The following ROBO2 variants were observed in gnomAD, a reference collection of about 807,000 sequenced individuals.
ROBO2 encodes the protein roundabout homolog 2.
A neutral mutation model predicts 160.8 loss-of-function variants in ROBO2; 53 were observed. That is an observed-to-expected ratio of 0.33 (90% CI 0.26 to 0.41). The LOEUF (loss-of-function observed/expected upper bound fraction) is 0.41. Among genes scored for constraint, ROBO2 ranks in the 10% least tolerant of loss-of-function variants. The pLI is 1.00. For synonymous variants in ROBO2, 664 were observed against 611.7 expected, an observed-to-expected ratio of 1.09 and a Z score of -1.26; for missense variants, 1,577 against 1,722.4, an observed-to-expected ratio of 0.92 and a Z score of 1.49.
chr3:77,382,555 T>C (rs371911844), intron 2 of ROBO2, among the ~76,000 whole-genome samples: 2 of 152,214 alleles, frequency 1.3e-5, no homozygotes, highest in South Asian at 4.1e-4. Context: ...TTTTTCTCCT[T>C]CACCCCCTTC....
chr3:77,278,609 C>G (rs2060043630), intron 2 of ROBO2, among the ~76,000 whole-genome samples: 1 of 151,870 alleles, frequency 6.6e-6, no homozygotes, highest in Non-Finnish European at 1.5e-5. Flanking sequence ...CACAATAAAC[C>G]TATAGATACT....
rs996098227 is a variant in ROBO2 at position 77,277,934 on chromosome 3, A to T, written c.388+179594A>T. On this transcript the variant is annotated intron_variant, in intron 2 of 25. Coordinates refer to ENST00000461745, the Ensembl canonical transcript of ROBO2. The stretch of plus-strand genomic sequence containing the variant: ...TTTACGTTACCACCAACAGTGTAAA[A>T]ACATTTCTTTTTCTCTGCAAACTCA... Among the ~76,000 whole-genome samples, 25 of 149,772 alleles carry T rather than the reference A, an allele frequency of 1.7e-4. 1 individual carries two copies. The highest frequency in any genetic ancestry group is 6.0e-4 in the African/African-American group (25 of 41,428).
At chr3:76,050,074 C>G (rs766993174) in intron 2 of ROBO2, among the ~76,000 whole-genome samples, 2 of 152,028 alleles carry the variant, frequency 1.3e-5, no homozygotes, top group African/African-American at 2.4e-5. Context: ...AATAACTGTT[C>G]CTGGGTGTGT....
chr3:76,226,667 A>T (rs1388748546), intron 2 of ROBO2, among the ~76,000 whole-genome samples: 1 of 152,040 alleles, frequency 6.6e-6, no homozygotes, highest in South Asian at 2.1e-4. Context: ...AGTGATGTAT[A>T]AAAAAAATTA....
At chr3:76,237,816 A>G (rs1705037641) in intron 2 of ROBO2, among the ~76,000 whole-genome samples, 1 of 152,346 alleles carries the variant, frequency 6.6e-6, no homozygotes, top group African/African-American at 2.4e-5. Context: ...TTGGAGCGGT[A>G]AGCAGGACCA....
intron 2 of ROBO2, among the ~76,000 whole-genome samples, chr3:77,114,368 T>G (rs1024867977): frequency 6.6e-6 from 1 of 152,216 alleles, no homozygotes; most frequent in African/African-American, 2.4e-5. Flanking sequence ...GTAGCACTTT[T>G]AAGCTAACCT....
At chr3:77,143,804 C>T (rs1421060743) in intron 2 of ROBO2, among the ~76,000 whole-genome samples, 2 of 151,924 alleles carry the variant, frequency 1.3e-5, no homozygotes, top group African/African-American at 4.8e-5. Flanking sequence ...CATTTCTTGC[C>T]CATTTTTTTT....
chr3:77,641,997 C>A (rs1191515575), intron 24 of ROBO2, among the ~76,000 whole-genome samples: 20 of 152,122 alleles, frequency 1.3e-4, no homozygotes, highest in Admixed American at 1.3e-3. Context: ...CACATTCAGT[C>A]TTTACTCTGA....
intron 13 of ROBO2, among the ~76,000 whole-genome samples, chr3:77,571,841 T>A (rs1401252913): frequency 6.6e-6 from 1 of 151,924 alleles, no homozygotes; most frequent in Non-Finnish European, 1.5e-5. Context: ...TCACCTATTT[T>A]TTTTAAAGTA....
chr3:77,256,882 C>T (rs764008327), intron 2 of ROBO2, among the ~76,000 whole-genome samples: 8 of 152,286 alleles, frequency 5.3e-5, no homozygotes, highest in Non-Finnish European at 8.8e-5. Context: ...CCAAATTATG[C>T]ACTAATACAA....
rs930291779 is a variant in ROBO2, at chr3:77,373,154, AATT to A, written c.389-104252_389-104250del. ...AAAATTATTATAAAAATTATTATAA[AATT>A]ATTATTAAAATTATATAAAATATTA... On this transcript the variant is annotated intron_variant, in intron 2 of 25. Transcript: ENST00000461745. 1.3e-4 allele frequency among the ~76,000 whole-genome samples: 19 copies of A among 147,264 alleles called. No homozygotes were observed. The East Asian group carries it at 2.3e-3, about 18-fold the overall frequency.
rs146582036 is a variant in ROBO2, at chr3:76,136,081, C to T, written c.109+198479C>T. Among the ~76,000 whole-genome samples the T allele has an allele frequency of 8.1e-4, 123 of 152,192 alleles. 1 individual carries two copies. Among genetic ancestry groups the T allele is most frequent in the African/African-American group, 2.6e-3 (106 of 41,550 alleles). On this transcript the variant is annotated intron_variant, in intron 2 of 26. Coordinates refer to the ROBO2 transcript ENST00000487694. ...AATAAGTTTACACTTTGTCATCTGA[C>T]GTCGTAGACAGCTTGAAAATAAATT... is the stretch of plus-strand genomic sequence containing the variant.
intron 2 of ROBO2, among the ~76,000 whole-genome samples, chr3:77,231,243 A>T (rs1408412823): frequency 6.6e-6 from 1 of 151,388 alleles, no homozygotes; most frequent in Non-Finnish European, 1.5e-5. Flanking sequence ...GGCACCTGTA[A>T]TTCCAGCTAC....
intron 2 of ROBO2, among the ~76,000 whole-genome samples, chr3:76,662,468 C>T (rs1288759532): frequency 6.6e-6 from 1 of 151,818 alleles, no homozygotes; most frequent in Non-Finnish European, 1.5e-5. Context: ...TCTGGAGGCA[C>T]TATGGATTCA....
rs1234365945 is a variant in ROBO2 at position 77,602,070 on chromosome 3, A to G, written c.2855-140A>G. 8.4e-6 allele frequency: 7 copies of G among 831,754 alleles called. No individual in the cohort carries two copies. In the East Asian group the frequency reaches 1.6e-4, roughly 18 times the overall value. 51.5% of individuals were successfully genotyped at this position (831,754 alleles called of 1,614,324 possible). A position where few individuals can be genotyped will look rare whatever the true frequency, so the allele number is the denominator to read the frequency against. On this transcript the variant is annotated intron_variant, in intron 19 of 25. Coordinates refer to ENST00000461745, the Ensembl canonical transcript of ROBO2. The stretch of plus-strand genomic sequence containing the variant: ...GCTTGGCGATGGTTGTATATCATCT[A>G]CCCTTCAGTGGCTCATGAAGCCCAT...
chr3:76,452,585 T>A (rs896564122), intron 2 of ROBO2, among the ~76,000 whole-genome samples: 3 of 152,192 alleles, frequency 2.0e-5, no homozygotes, highest in African/African-American at 7.2e-5. Flanking sequence ...TGGTGGATAT[T>A]TGGGCTGGTT....
intron 2 of ROBO2, among the ~76,000 whole-genome samples, chr3:76,739,410 C>T (rs1213842796): frequency 1.4e-5 from 2 of 142,252 alleles, no homozygotes; most frequent in African/African-American, 2.6e-5. Flanking sequence ...TGTTCTCACT[C>T]GTAGATGGGA....
At chr3:76,977,075 A>G (rs1362031592) in intron 2 of ROBO2, among the ~76,000 whole-genome samples, 1 of 152,152 alleles carries the variant, frequency 6.6e-6, no homozygotes. Flanking sequence ...CTTTCATGCA[A>G]ATTTGAAATT....
At chr3:77,096,947 C>T (rs758480619) in intron 1 of ROBO2, among the ~76,000 whole-genome samples, 45 of 152,100 alleles carry the variant, frequency 3.0e-4, no homozygotes, top group Non-Finnish European at 6.0e-4. Flanking sequence ...TTATTTTTCT[C>T]TTGAACTATT....
Sources: gnomAD v4.1 joint callset for allele counts (sites outside exome capture counted in the v4.1 genomes callset) on GRCh38, gnomAD v4.1.1 for gene constraint, MANE v1.5 for transcripts, NCBI Gene and HGNC (gene_info 2026-07-23, HGNC 2026-07-21) for gene names.